Variants in PTPN21 observed in about 807,000 individuals in gnomAD.
PTPN21 encodes tyrosine-protein phosphatase non-receptor type 21.
In PTPN21, 77 loss-of-function variants were observed where a neutral mutation model predicts 131.8. That is an observed-to-expected ratio of 0.58 (90% CI 0.49 to 0.71). The LOEUF is 0.71. Ranked by LOEUF, PTPN21 falls within the 30% of genes least tolerant of loss-of-function variation. PTPN21 has a pLI of 0.00. For missense variants in PTPN21, 1,552 were observed against 1,527.1 expected (o/e 1.02, Z -0.27); for synonymous variants, 715 against 621.3 (o/e 1.15, Z -2.24).
intron 5 of PTPN21, 95 bp from the exon 6 acceptor site, chr14:88,504,590 C>T: frequency 2.1e-6 from 2 of 958,558 alleles, no homozygotes; most frequent in Non-Finnish European, 3.4e-6. Flanking sequence ...TCGTCACTAT[C>T]AGGCAAAATT....
intron 15 of PTPN21, among the ~76,000 whole-genome samples, chr14:88,470,840 G>C (rs1301482919): frequency 6.6e-6 from 1 of 152,180 alleles, no homozygotes; most frequent in African/African-American, 2.4e-5. Flanking sequence ...GGCAGGGTAG[G>C]TGTCATCATT....
intron 13 of PTPN21, among the ~76,000 whole-genome samples, chr14:88,474,183 T>C (rs1467890928): frequency 2.9e-5 from 4 of 135,974 alleles, no homozygotes; most frequent in Admixed American, 1.5e-4. Flanking sequence ...ATCAATTGAC[T>C]ATAGTAAGCT....
chr14:88,549,931 G>T (rs984634434), intron 2 of PTPN21, among the ~76,000 whole-genome samples: 8 of 151,666 alleles, frequency 5.3e-5, no homozygotes, highest in African/African-American at 1.9e-4. Flanking sequence ...CCCTACAGGC[G>T]CCCACCACCA....
At chr14:88,476,649 G>C (rs1177878490) in intron 13 of PTPN21, among the ~76,000 whole-genome samples, 1 of 152,192 alleles carries the variant, frequency 6.6e-6, no homozygotes, top group African/African-American at 2.4e-5. Context: ...GGAAGCTGAG[G>C]TTCTGACGCA....
chr14:88,485,167 A>C lies in PTPN21; in HGVS notation c.994-7T>G, dbSNP rs1384402355. On this transcript the variant is annotated splice_polypyrimidine_tract_variant and splice_region_variant and intron_variant, in intron 11 of 18. Transcript: ENST00000556564. The stretch of plus-strand genomic sequence containing the variant: ...CGTAGGGCTGGGGTTTAGGCTAAGA[A>C]ATGGAGAGTTTGACACAGGGTTGAA... 2 of 1,562,624 alleles carry C rather than the reference A, an allele frequency of 1.3e-6. No homozygotes were observed. Among genetic ancestry groups the C allele is most frequent in the East Asian group, 4.6e-5 (2 of 43,688 alleles).
intron 2 of PTPN21, among the ~76,000 whole-genome samples, chr14:88,524,362 T>C (rs2078444335): frequency 6.6e-6 from 1 of 152,038 alleles, no homozygotes; most frequent in South Asian, 2.1e-4. Context: ...CCAAGACCAG[T>C]TAGTGGGGAA....
intron 3 of PTPN21, among the ~76,000 whole-genome samples, chr14:88,508,275 GAGT>G (rs1231913525): frequency 6.6e-6 from 1 of 151,720 alleles, no homozygotes; most frequent in Non-Finnish European, 1.5e-5. Flanking sequence ...TCAGCCTCCT[GAGT>G]AGCTGGGACT....
Position 88,479,646 on chromosome 14 carries a change from G to A in PTPN21, c.1785C>T (p.Ile595=), listed in dbSNP as rs1446061000. 6.5e-7 allele frequency: 1 copy of A among 1,545,710 alleles called. No homozygotes were observed. Among genetic ancestry groups the A allele is most frequent in the Non-Finnish European group, 8.7e-7 (1 of 1,149,188 alleles). The change falls in exon 13 of 19, where the codon ATC becomes ATT. Residue 595 remains isoleucine (I), a synonymous_variant. Coordinates refer to ENST00000556564, the MANE Select transcript of PTPN21 (RefSeq NM_007039.4). ...GCACCGAGTGGTGCACGCGCCGCGTGATGAGGTCGGGGTTGCTGCTGCTGA... is the reference window on the plus strand; with the variant it reads ...GCACCGAGTGGTGCACGCGCCGCGTAATGAGGTCGGGGTTGCTGCTGCTGA... The part of the protein sequence containing the change: ...LYISSSNPDL[I]TRRVHHSVQT...
intron 10 of PTPN21, among the ~76,000 whole-genome samples, chr14:88,492,406 A>G (rs2077838398): frequency 6.6e-6 from 1 of 152,120 alleles, no homozygotes; most frequent in African/African-American, 2.4e-5. Context: ...ATGCAAATAC[A>G]CCCAGGCCCC....
intron 13 of PTPN21, among the ~76,000 whole-genome samples, 180 bp downstream of exon 13, chr14:88,478,740 A>C (rs1003703600): frequency 6.6e-6 from 1 of 152,252 alleles, no homozygotes; most frequent in South Asian, 2.1e-4. Flanking sequence ...ATTCAAGTGG[A>C]TCCCCATGAT....
chr14:88,505,274 T>G (rs2078070012), intron 5 of PTPN21, 30 bp downstream of exon 5: 2 of 1,524,926 alleles, frequency 1.3e-6, no homozygotes. Context: ...CTGTTTCTTT[T>G]AAAAGGCCCA....
chr14:88,474,734 C>CA (rs2077524719), intron 13 of PTPN21, among the ~76,000 whole-genome samples: 2 of 152,178 alleles, frequency 1.3e-5, no homozygotes, highest in African/African-American at 2.4e-5. Flanking sequence ...AAAGCATCAA[C>CA]AAAATCTTGT....
intron 2 of PTPN21, among the ~76,000 whole-genome samples, chr14:88,546,141 T>G (rs1026624118): frequency 1.3e-5 from 2 of 150,390 alleles, no homozygotes; most frequent in Non-Finnish European, 2.9e-5. Context: ...TCTTAGACAC[T>G]TGTAAAAATA....
At position 88,468,015 on chromosome 14, in the gene PTPN21, C is replaced by CT; in HGVS notation, c.*121dup. 1 of 1,282,412 alleles carries CT rather than the reference C, an allele frequency of 7.8e-7. No homozygotes were observed. The highest frequency in any genetic ancestry group is 1.1e-6 in the Non-Finnish European group (1 of 899,146). The allele number at this position is 1,282,412 out of a possible 1,614,324, so 79.4% of individuals were successfully genotyped here. A position where few individuals can be genotyped will look rare whatever the true frequency, so the allele number is the denominator to read the frequency against. Reference sequence around the variant, plus strand: ...GCGTGCCGCCATTCAGACTGCGCCACTTACGTCCCAGTGCCACGCTGCGTG... The same window carrying CT: ...GCGTGCCGCCATTCAGACTGCGCCACTTTACGTCCCAGTGCCACGCTGCGTG... On this transcript the variant is annotated 3_prime_UTR_variant, in exon 19 of 19. Coordinates refer to ENST00000556564, the MANE Select transcript of PTPN21 (RefSeq NM_007039.4).
Position 88,501,317 on chromosome 14 carries a change from T to C in PTPN21, c.639A>G (p.Arg213=), listed in dbSNP as rs1475511214. ...AEMLYMQEVE[R]MDGYGEESYP... Reference sequence around the variant, plus strand: ...AGCTCTCTTCTCCATAGCCATCCATTCTCTCTACCTCCTGCATGTACAGCA... The same window carrying C: ...AGCTCTCTTCTCCATAGCCATCCATCCTCTCTACCTCCTGCATGTACAGCA... Residue 213 remains arginine, a synonymous_variant, in exon 7 of 19, where the codon AGA becomes AGG. Coordinates refer to ENST00000556564, the MANE Select transcript of PTPN21 (RefSeq NM_007039.4). 3 of 1,614,020 alleles carry C rather than the reference T, an allele frequency of 1.9e-6. No individual in the cohort carries two copies. Among genetic ancestry groups the C allele is most frequent in the African/African-American group, 2.7e-5 (2 of 74,938 alleles).
At chr14:88,531,797 C>T (rs2139340361) in intron 2 of PTPN21, among the ~76,000 whole-genome samples, 1 of 151,726 alleles carries the variant, frequency 6.6e-6, no homozygotes, top group Middle Eastern at 3.4e-3. Context: ...GAAATTGAAA[C>T]AAAACAAAAC....
chr14:88,517,678 GTA>G (rs1179982408), intron 2 of PTPN21, among the ~76,000 whole-genome samples: 1 of 16,112 alleles, frequency 6.2e-5, no homozygotes, highest in African/African-American at 1.3e-4. Flanking sequence ...ACACACATAT[GTA>G]TATATACATA....
Position 88,517,099 on chromosome 14 carries a change from TCTC to T in PTPN21, c.340_342del (p.Glu114del), listed in dbSNP as rs1435798180. On this transcript the variant is annotated inframe_deletion, in exon 3 of 19. Transcript: ENST00000556564. ...CGGCATGTAATTTCTCACCTGGTAA[TCTC>T]CTGCTGCAGCTGAGAAACTGAAGGC... is the stretch of plus-strand genomic sequence containing the variant. The T allele has an allele frequency of 1.9e-6, 3 of 1,613,554 alleles. No homozygotes were observed. Among genetic ancestry groups the T allele is most frequent in the Non-Finnish European group, 1.7e-6 (2 of 1,179,640 alleles).
chr14:88,548,770 G>C (rs2078818635), intron 2 of PTPN21, among the ~76,000 whole-genome samples: 1 of 152,088 alleles, frequency 6.6e-6, no homozygotes, highest in African/African-American at 2.4e-5. Context: ...GAGGGTCCTA[G>C]GTTTAATTAG....
Sources: gnomAD v4.1 joint callset for allele counts (sites outside exome capture counted in the v4.1 genomes callset) on GRCh38, gnomAD v4.1.1 for gene constraint, MANE v1.5 for transcripts, NCBI Gene and HGNC (gene_info 2026-07-23, HGNC 2026-07-21) for gene names.